The following CSMD1 variants were observed in gnomAD, a reference collection of about 807,000 sequenced individuals.
The protein encoded by CSMD1 is CUB and Sushi multiple domains 1.
Under a neutral mutation model 417.5 loss-of-function variants are expected in CSMD1, and 213 were observed. The observed-to-expected ratio is 0.51, with a 90% confidence interval of 0.46 to 0.57. The LOEUF is 0.57. CSMD1 is among the 20% of genes least tolerant of loss of function. The pLI is 0.00. For synonymous variants in CSMD1, 2,862 were observed against 1,736.8 expected, an observed-to-expected ratio of 1.65 and a Z score of -16.11; for missense variants, 6,923 against 4,529.7, an observed-to-expected ratio of 1.53 and a Z score of -15.17.
At chr8:4,186,359 A>G (rs1324523273) in intron 3 of CSMD1, among the ~76,000 whole-genome samples, 1 of 152,106 alleles carries the variant, frequency 6.6e-6, no homozygotes, top group Non-Finnish European at 1.5e-5. Context: ...GCTGATTCCT[A>G]TCTTCGTGTT....
chr8:3,025,715 C>T (rs1206401506), intron 51 of CSMD1, among the ~76,000 whole-genome samples: 3 of 152,156 alleles, frequency 2.0e-5, no homozygotes, highest in East Asian at 3.9e-4. Context: ...TATTAAGCCA[C>T]ACATTAAGGG....
At chr8:3,229,961 A>C (rs1201432524) in intron 27 of CSMD1, 79 bp downstream of exon 27, 1 of 988,002 alleles carries the variant, frequency 1.0e-6, no homozygotes, top group Non-Finnish European at 1.5e-6. Flanking sequence ...CTGAAGAAAT[A>C]ATACATTTAC....
intron 1 of CSMD1, among the ~76,000 whole-genome samples, chr8:4,926,647 G>C (rs1367633727): frequency 1.3e-5 from 2 of 151,868 alleles, no homozygotes; most frequent in Non-Finnish European, 2.9e-5. Context: ...TGATTTCCTT[G>C]CAAAAAAATA....
intron 23 of CSMD1, among the ~76,000 whole-genome samples, chr8:3,336,932 C>G (rs991304073): frequency 6.6e-6 from 1 of 152,040 alleles, no homozygotes; most frequent in Non-Finnish European, 1.5e-5. Context: ...ATAATGCTCC[C>G]CTAAAAAAAG....
At chr8:4,336,176 C>T (rs919470057) in intron 3 of CSMD1, among the ~76,000 whole-genome samples, 8 of 152,216 alleles carry the variant, frequency 5.3e-5, no homozygotes, top group Admixed American at 2.6e-4. Flanking sequence ...TCCTGGTTTG[C>T]GGTCAGCGCT....
intron 12 of CSMD1, among the ~76,000 whole-genome samples, chr8:3,428,150 A>C (rs1318754616): frequency 6.6e-6 from 1 of 152,222 alleles, no homozygotes; most frequent in Non-Finnish European, 1.5e-5. Context: ...TATAGGTTTT[A>C]GAAGTTCTAA....
chr8:4,461,216 G>A (rs915970565), intron 2 of CSMD1, among the ~76,000 whole-genome samples: 1 of 151,916 alleles, frequency 6.6e-6, no homozygotes, highest in Admixed American at 6.6e-5. Context: ...CAATTAACTA[G>A]CAATGGGGAA....
At chr8:4,260,704 T>G (rs1471883044) in intron 3 of CSMD1, among the ~76,000 whole-genome samples, 2 of 152,208 alleles carry the variant, frequency 1.3e-5, no homozygotes, top group Admixed American at 6.5e-5. Context: ...CCCATGTCGT[T>G]GGTTTATTAA....
chr8:4,814,370 C>T (rs751544685), intron 1 of CSMD1, among the ~76,000 whole-genome samples: 12 of 152,134 alleles, frequency 7.9e-5, no homozygotes, highest in Non-Finnish European at 1.3e-4. Flanking sequence ...CTCAGTCTCC[C>T]GAGTAGCTGG....
chr8:4,030,612 T>C (rs1271338035), intron 4 of CSMD1, among the ~76,000 whole-genome samples: 2 of 152,216 alleles, frequency 1.3e-5, no homozygotes, highest in Non-Finnish European at 2.9e-5. Context: ...GAGGGGTTGC[T>C]GTGAAGACCT....
At chr8:4,428,155 T>A (rs1056479462) in intron 2 of CSMD1, among the ~76,000 whole-genome samples, 1 of 152,216 alleles carries the variant, frequency 6.6e-6, no homozygotes, top group African/African-American at 2.4e-5. Context: ...ACCACATCTA[T>A]GTGAATCTGG....
intron 2 of CSMD1, among the ~76,000 whole-genome samples, chr8:4,479,488 T>C (rs991842399): frequency 2.0e-5 from 3 of 152,238 alleles, no homozygotes; most frequent in Admixed American, 1.3e-4. Flanking sequence ...AAGACCTTAA[T>C]GGATTCTCAG....
chr8:4,709,354 G>A (rs895614376), intron 1 of CSMD1, among the ~76,000 whole-genome samples: 4 of 152,146 alleles, frequency 2.6e-5, no homozygotes, highest in Admixed American at 1.3e-4. Flanking sequence ...GGGGAGTTTA[G>A]GCTGTATGTC....
chr8:3,387,415 A>C (rs1409656511), intron 18 of CSMD1, 79 bp downstream of exon 18: 1 of 1,254,826 alleles, frequency 8.0e-7, no homozygotes, highest in African/African-American at 1.5e-5. Context: ...CCTGAAATAC[A>C]CACACCACCC....
At chr8:4,207,973 A>C (rs927723684) in intron 3 of CSMD1, among the ~76,000 whole-genome samples, 1 of 152,158 alleles carries the variant, frequency 6.6e-6, no homozygotes, top group African/African-American at 2.4e-5. Context: ...TATTCATTAT[A>C]GCATGAAATA....
intron 7 of CSMD1, among the ~76,000 whole-genome samples, chr8:3,647,503 T>G (rs1797636419): frequency 6.6e-6 from 1 of 151,788 alleles, no homozygotes; most frequent in Admixed American, 6.6e-5. Context: ...CAGAGAGAAG[T>G]ATATCAGAGA....
At chr8:4,424,294 G>C (rs772533679) in intron 2 of CSMD1, among the ~76,000 whole-genome samples, 3 of 151,866 alleles carry the variant, frequency 2.0e-5, no homozygotes, top group Admixed American at 1.3e-4. Context: ...CCAAATATCT[G>C]ACAAAAGACA....
At position 3,706,604 on chromosome 8, in the gene CSMD1, A is replaced by T. The variant is rs12542491; in HGVS notation, c.1009+1810T>A. On this transcript the variant is annotated intron_variant, in intron 7 of 69. Transcript: ENST00000635120. ...ACAGAAGAGATATTCTCCTTATTAC[A>T]AAAGAAAAAAAGCTCTGCCTCAATC... Among the ~76,000 whole-genome samples, 4 of 152,134 alleles carry T rather than the reference A, an allele frequency of 2.6e-5. No homozygotes were observed. The East Asian group carries it at 7.8e-4, about 30-fold the overall frequency.
chr8:4,755,564 A>T (rs1313764976), intron 1 of CSMD1, among the ~76,000 whole-genome samples: 1 of 151,886 alleles, frequency 6.6e-6, no homozygotes, highest in African/African-American at 2.4e-5. Context: ...ATTTGATGTA[A>T]TTTTTTGATG....
Sources: gnomAD v4.1 joint callset for allele counts (sites outside exome capture counted in the v4.1 genomes callset) on GRCh38, gnomAD v4.1.1 for gene constraint, MANE v1.5 for transcripts, NCBI Gene and HGNC (gene_info 2026-07-23, HGNC 2026-07-21) for gene names.